The following GOLGA5 variants were observed in gnomAD, a reference collection of about 807,000 sequenced individuals.
GOLGA5 encodes the protein golgin subfamily A member 5.
A neutral mutation model predicts 93.5 loss-of-function variants in GOLGA5; 50 were observed. The ratio of observed to expected loss-of-function variants is 0.53; its 90% CI spans 0.43 to 0.68. The LOEUF is 0.68. GOLGA5 is among the 30% of genes least tolerant of loss of function. The pLI is 0.00. For missense variants in GOLGA5, 760 were observed against 856.4 expected, an observed-to-expected ratio of 0.89 and a Z score of 1.40; for synonymous variants, 312 against 304.5, an observed-to-expected ratio of 1.02 and a Z score of -0.26.
At chr14:92,807,624 T>TG (rs1885016956) in intron 3 of GOLGA5, among the ~76,000 whole-genome samples, 1 of 152,216 alleles carries the variant, frequency 6.6e-6, no homozygotes, top group Non-Finnish European at 1.5e-5. Context: ...CTAATAGAGT[T>TG]GCAGTGTTGC....
chr14:92,811,271 A>G (rs1427067659), intron 5 of GOLGA5, among the ~76,000 whole-genome samples: 1 of 152,222 alleles, frequency 6.6e-6, no homozygotes, highest in Non-Finnish European at 1.5e-5. Context: ...ACAGATTCCC[A>G]GACCCATCTT....
At chr14:92,834,979 G>A (rs1003832764) in intron 10 of GOLGA5, among the ~76,000 whole-genome samples, 12 of 152,170 alleles carry the variant, frequency 7.9e-5, no homozygotes, top group African/African-American at 1.2e-4. Flanking sequence ...GATGAGATAC[G>A]GAGTTTGAGA....
intron 1 of GOLGA5, 146 bp from the exon 2 acceptor site, chr14:92,797,262 T>C: frequency 1.9e-6 from 1 of 528,902 alleles, no homozygotes; most frequent in Non-Finnish European, 3.3e-6. Flanking sequence ...CTCAGCCTCA[T>C]TTAAGTAGTT....
At chr14:92,813,984 T>C (rs1246398708) in intron 6 of GOLGA5, among the ~76,000 whole-genome samples, 1 of 151,838 alleles carries the variant, frequency 6.6e-6, no homozygotes, top group Non-Finnish European at 1.5e-5. Context: ...AGGTTTTTGG[T>C]TTAAGTGTAT....
intron 10 of GOLGA5, 150 bp downstream of exon 10, chr14:92,833,497 T>G (rs1885574043): frequency 3.2e-6 from 2 of 618,776 alleles, no homozygotes; most frequent in African/African-American, 1.8e-5. Context: ...TTTAGTATTG[T>G]TAGTGAACCG....
chr14:92,795,062 A>G (rs932460292), intron 1 of GOLGA5, among the ~76,000 whole-genome samples: 13 of 148,162 alleles, frequency 8.8e-5, no homozygotes, highest in African/African-American at 3.3e-4. Context: ...TAATTTTGAA[A>G]TGGGAGGCAA....
intron 2 of GOLGA5, among the ~76,000 whole-genome samples, chr14:92,800,943 C>T (rs865790508): frequency 6.6e-5 from 10 of 152,216 alleles, no homozygotes; most frequent in Admixed American, 1.3e-4. Context: ...TGGGTAGGAC[C>T]TCTCAACCTT....
chr14:92,838,451 T>C (rs1885691105), intron 12 of GOLGA5, among the ~76,000 whole-genome samples: 1 of 152,076 alleles, frequency 6.6e-6, no homozygotes, highest in Non-Finnish European at 1.5e-5. Context: ...CACTGCATTC[T>C]CCACCTCCCA....
At position 92,827,706 on chromosome 14, in the gene GOLGA5, T is replaced by C. The variant is rs200518832; in HGVS notation, c.1719+3062T>C. Among the ~76,000 whole-genome samples, 13 of 152,342 alleles carry C rather than the reference T, an allele frequency of 8.5e-5. No homozygotes were observed. In the East Asian group the frequency reaches 9.6e-4, roughly 11 times the overall value. On this transcript the variant is annotated intron_variant, in intron 9 of 12. Coordinates refer to ENST00000163416, the MANE Select transcript of GOLGA5 (RefSeq NM_005113.4). ...CAAGATAGGCCCAAAACTAGGCCTA[T>C]TGGCACCAGTCAGCCAAGTTTTAAA...
intron 2 of GOLGA5, among the ~76,000 whole-genome samples, chr14:92,798,645 G>T (rs1884791906): frequency 6.6e-6 from 1 of 152,248 alleles, no homozygotes; most frequent in Non-Finnish European, 1.5e-5. Context: ...GCTGGGCGTG[G>T]TGGCTTACAC....
intron 2 of GOLGA5, among the ~76,000 whole-genome samples, chr14:92,798,587 A>G (rs1884790363): frequency 6.6e-6 from 1 of 152,232 alleles, no homozygotes; most frequent in Non-Finnish European, 1.5e-5. Flanking sequence ...TTAACGTGGT[A>G]AATGTGGCTA....
At position 92,804,304 on chromosome 14, in the gene GOLGA5, A is replaced by G. The variant is rs60466739; in HGVS notation, c.545-2432A>G. Among the ~76,000 whole-genome samples, 334 of 152,048 alleles carry G rather than the reference A, an allele frequency of 2.2e-3. 1 individual carries two copies. The highest frequency in any genetic ancestry group is 7.9e-3 in the African/African-American group (327 of 41,500). On this transcript the variant is annotated intron_variant, in intron 2 of 12. Transcript: ENST00000163416. ...TGGTCTCCAACTCCTGGACTCAGGC[A>G]GTCCTTTCTCCTCGGCCTCCCAAAG... is the stretch of plus-strand genomic sequence containing the variant.
intron 3 of GOLGA5, among the ~76,000 whole-genome samples, 188 bp downstream of exon 3, chr14:92,807,151 A>T (rs1295585804): frequency 6.6e-6 from 1 of 151,972 alleles, no homozygotes; most frequent in African/African-American, 2.4e-5. Context: ...AATACAAAAA[A>T]ATTAGTCAGA....
chr14:92,835,576 G>A lies in GOLGA5; in HGVS notation c.1963G>A (p.Val655Ile), dbSNP rs757725083. Residue 655 changes from valine (V) to isoleucine (I), a missense_variant, in exon 11 of 13, where the codon GTT (valine) becomes ATT (isoleucine). Val to Ile is a conservative substitution (Grantham distance 29). Transcript: ENST00000163416. ...TTAAACAGGCACTCGTCTGCGAAAT[G>A]TTCCTGTTCTTTTTAATGACACAGA... ...DNGEGTRLRN[V>I]PVLFNDTETN... The A allele has an allele frequency of 3.1e-6, 5 of 1,612,172 alleles. No individual in the cohort carries two copies. The highest frequency in any genetic ancestry group is 4.5e-5 in the East Asian group (2 of 44,838).
intron 12 of GOLGA5, 135 bp from the exon 13 acceptor site, chr14:92,839,231 T>TTTC: frequency 1.6e-6 from 1 of 618,938 alleles, no homozygotes; most frequent in South Asian, 2.0e-5. Flanking sequence ...CATTTAGTTG[T>TTTC]TTCATTCATT....
intron 8 of GOLGA5, among the ~76,000 whole-genome samples, chr14:92,821,183 T>G (rs1480409493): frequency 1.3e-5 from 2 of 152,230 alleles, no homozygotes; most frequent in Non-Finnish European, 2.9e-5. Context: ...CATCAGTTGG[T>G]TTTCATAGTT....
In GOLGA5 at chr14:92,833,345, A is replaced by G. The variant is rs1189857632; in HGVS notation, c.1943A>G (p.Glu648Gly). 6.4e-7 allele frequency: 1 copy of G among 1,561,492 alleles called. No homozygotes were observed. Among genetic ancestry groups the G allele is most frequent in the Non-Finnish European group, 8.8e-7 (1 of 1,132,242 alleles). The change falls in exon 10 of 13, where the codon GAA (glutamate) becomes GGA (glycine). Residue 648 changes from glutamate (E) to glycine (G), a missense_variant and splice_region_variant. Coordinates refer to ENST00000163416, the MANE Select transcript of GOLGA5 (RefSeq NM_005113.4). ...AATATGTCTGGAATTGACAATGGTG[A>G]AGGTAATCAAAAAAGGAATCTCAAA... is the stretch of plus-strand genomic sequence containing the variant. Reference protein sequence around the residue: ...SINMSGIDNGEGTRLRNVPVL... With the variant: ...SINMSGIDNGGGTRLRNVPVL...
rs1188912151 is a variant in GOLGA5, at chr14:92,809,311, G to GC, written c.785dup (p.Arg263LysfsTer5). 1 of 1,608,642 alleles carries GC rather than the reference G, an allele frequency of 6.2e-7. No homozygotes were observed. Among genetic ancestry groups the GC allele is most frequent in the African/African-American group, 1.3e-5 (1 of 74,826 alleles). ...AAATTTTTTAATAGAATTAAACAAA[G>GC]CAAGAGCAAGAGTTGAAAAGTGGAA... On this transcript the variant is annotated frameshift_variant, in exon 4 of 13. Coordinates refer to ENST00000163416, the MANE Select transcript of GOLGA5 (RefSeq NM_005113.4). LOFTEE classifies it high-confidence loss of function.
intron 7 of GOLGA5, among the ~76,000 whole-genome samples, chr14:92,817,234 C>T (rs552647582): frequency 6.6e-6 from 1 of 152,278 alleles, no homozygotes; most frequent in East Asian, 1.9e-4. Context: ...AGCCACCATG[C>T]CCGACCAGGT....
Sources: gnomAD v4.1 joint callset for allele counts (sites outside exome capture counted in the v4.1 genomes callset) on GRCh38, gnomAD v4.1.1 for gene constraint, MANE v1.5 for transcripts, NCBI Gene and HGNC (gene_info 2026-07-23, HGNC 2026-07-21) for gene names.